RB1CC1: variants seen among roughly 807,000 people sequenced by gnomAD.
RB1CC1 encodes the protein RB1 inducible coiled-coil 1.
RB1CC1 carries 46 observed loss-of-function variants against 177.5 expected under a neutral mutation model. That is an observed-to-expected ratio of 0.26 (90% CI 0.20 to 0.33). The LOEUF (loss-of-function observed/expected upper bound fraction) is 0.33, where lower values mean the gene tolerates loss of function less well. Among genes scored for constraint, RB1CC1 ranks in the 10% least tolerant of loss-of-function variants. RB1CC1 has a pLI of 1.00. For missense variants in RB1CC1, 1,703 were observed against 1,816.3 expected (o/e 0.94, Z 1.13); for synonymous variants, 666 against 613.6 (o/e 1.09, Z -1.26).
At chr8:52,691,868 CTCT>C (rs934447453) in intron 1 of RB1CC1, among the ~76,000 whole-genome samples, 1 of 152,224 alleles carries the variant, frequency 6.6e-6, no homozygotes, top group Non-Finnish European at 1.5e-5. Context: ...GCCACAAATG[CTCT>C]TCTTTCCTCC....
chr8:52,699,818 AAAAAAAAAAAAAATATATATATATAT>A (rs1452788755), intron 1 of RB1CC1, among the ~76,000 whole-genome samples: 1 of 94,368 alleles, frequency 1.1e-5, no homozygotes, highest in African/African-American at 3.4e-5. Flanking sequence ...AAAAAAAAAA[AAAAAAAAAAAAAATATATATATATAT>A]ATATATATAT....
chr8:52,683,531 T>C lies in RB1CC1; in HGVS notation c.369+18A>G. The stretch of plus-strand genomic sequence containing the variant: ...TGCTTTTAGAAACAATCAGTTAAAA[T>C]AATTGTTTATATCTTACCAATGCAA... On this transcript the variant is annotated intron_variant, in intron 5 of 23. Transcript: ENST00000025008. 6.5e-7 allele frequency: 1 copy of C among 1,527,908 alleles called. No homozygotes were observed. The highest frequency in any genetic ancestry group is 8.8e-7 in the Non-Finnish European group (1 of 1,137,766). The allele number at this position is 1,527,908 out of a possible 1,614,324, so 94.6% of individuals were successfully genotyped here.
At chr8:52,701,133 T>G (rs1411553725) in intron 1 of RB1CC1, among the ~76,000 whole-genome samples, 1 of 152,150 alleles carries the variant, frequency 6.6e-6, no homozygotes, top group African/African-American at 2.4e-5. Flanking sequence ...GATCTTTTTT[T>G]TTTTTTGAGA....
intron 1 of RB1CC1, among the ~76,000 whole-genome samples, chr8:52,713,795 C>G (rs1002815820): frequency 6.6e-6 from 1 of 152,352 alleles, no homozygotes; most frequent in African/African-American, 2.4e-5. Flanking sequence ...CGCAGGCAGC[C>G]CCGCAGCACG....
At chr8:52,659,006 AT>A (rs763392478) in intron 12 of RB1CC1, 30 bp from the exon 13 acceptor site, 61 of 1,356,290 alleles carry the variant, frequency 4.5e-5, no homozygotes, top group Admixed American at 2.1e-4. Flanking sequence ...TACTTAAAAA[AT>A]TTTTTTTCAA....
rs1852214209 is a variant in RB1CC1, at chr8:52,667,931, T to A, written c.1173+90A>T. On this transcript the variant is annotated intron_variant, in intron 8 of 23. Transcript: ENST00000025008. ...AAAATATTCAAGGAAAAAGTGAAAA[T>A]ATGGTGCACACCAAATTGATACTGC... The A allele has an allele frequency of 6.4e-6, 8 of 1,258,206 alleles. No individual in the cohort carries two copies. The East Asian group carries it at 1.9e-4, about 30-fold the overall frequency. The allele number at this position is 1,258,206 out of a possible 1,614,324, so 77.9% of individuals were successfully genotyped here. A position where few individuals can be genotyped will look rare whatever the true frequency, so the allele number is the denominator to read the frequency against.
chr8:52,701,069 C>CTCT (rs1473077655), intron 1 of RB1CC1, among the ~76,000 whole-genome samples: 5 of 151,914 alleles, frequency 3.3e-5, no homozygotes, highest in Admixed American at 3.3e-4. Flanking sequence ...CATAACTGGT[C>CTCT]TCTTTCTCAA....
At chr8:52,661,879 A>G (rs909913764) in intron 8 of RB1CC1, among the ~76,000 whole-genome samples, 160 bp from the exon 9 acceptor site, 1 of 152,110 alleles carries the variant, frequency 6.6e-6, no homozygotes, top group African/African-American at 2.4e-5. Context: ...AGATGCATAA[A>G]TGGCACAAGA....
rs1172604874 is a variant in RB1CC1 at position 52,699,804 on chromosome 8, C to CAAAAAAAAA, written c.-166-12846_-166-12838dup. ...ACTGCACTGCAGTGAATCTCCGTCT[C>CAAAAAAAAA]AAAAAAAAAAAAAAAAAAAAAAAAA... is the stretch of plus-strand genomic sequence containing the variant. On this transcript the variant is annotated intron_variant, in intron 1 of 23. Coordinates refer to ENST00000025008, the MANE Select transcript of RB1CC1 (RefSeq NM_014781.5). Among the ~76,000 whole-genome samples, 10 of 38,546 alleles carry CAAAAAAAAA rather than the reference C, an allele frequency of 2.6e-4. 1 individual carries two copies. The highest frequency in any genetic ancestry group is 8.5e-4 in the Admixed American group (2 of 2,350). The allele number at this position is 38,546 out of a possible 152,430, so 25.3% of individuals were successfully genotyped here. A position where few individuals can be genotyped will look rare whatever the true frequency, so the allele number is the denominator to read the frequency against.
intron 5 of RB1CC1, among the ~76,000 whole-genome samples, chr8:52,680,994 G>T (rs1428665431): frequency 0.017 from 2,139 of 128,608 alleles, 56 homozygotes; most frequent in African/African-American, 0.062. Flanking sequence ...GTGTGTGTGT[G>T]TTTTTTTTTT....
intron 8 of RB1CC1, among the ~76,000 whole-genome samples, chr8:52,663,788 C>CA (rs757187587): frequency 5.3e-5 from 8 of 151,918 alleles, no homozygotes; most frequent in African/African-American, 1.9e-4. Flanking sequence ...TTCTCAAATT[C>CA]AAAAAAACAC....
intron 7 of RB1CC1, among the ~76,000 whole-genome samples, chr8:52,670,530 T>C (rs1852475374): frequency 6.6e-6 from 1 of 152,252 alleles, no homozygotes; most frequent in Non-Finnish European, 1.5e-5. Flanking sequence ...ATAGATTCCT[T>C]AAGATCACAA....
At chr8:52,686,705 T>A (rs1246516771) in intron 2 of RB1CC1, 148 bp downstream of exon 2, 1 of 237,660 alleles carries the variant, frequency 4.2e-6, no homozygotes, top group Non-Finnish European at 8.4e-6. Flanking sequence ...AAGTAGTAGG[T>A]ACCTTTACTT....
intron 1 of RB1CC1, among the ~76,000 whole-genome samples, chr8:52,708,374 G>A (rs1370023274): frequency 1.3e-5 from 2 of 152,082 alleles, no homozygotes; most frequent in Non-Finnish European, 2.9e-5. Flanking sequence ...AAAATTAGCC[G>A]GGCATGGTGG....
intron 1 of RB1CC1, among the ~76,000 whole-genome samples, chr8:52,713,356 G>A (rs1857216207): frequency 6.6e-6 from 1 of 152,302 alleles, no homozygotes; most frequent in Non-Finnish European, 1.5e-5. Flanking sequence ...ACCAGGCGGT[G>A]GAAGAAACTA....
chr8:52,691,172 G>C (rs921474586), intron 1 of RB1CC1, among the ~76,000 whole-genome samples: 1 of 152,148 alleles, frequency 6.6e-6, no homozygotes, highest in Non-Finnish European at 1.5e-5. Flanking sequence ...GGACAGTTCA[G>C]CTTTTCCTCT....
intron 15 of RB1CC1, among the ~76,000 whole-genome samples, chr8:52,655,454 CAT>C (rs1851009574): frequency 6.6e-6 from 1 of 152,016 alleles, no homozygotes; most frequent in African/African-American, 2.4e-5. Flanking sequence ...CAATAATAAA[CAT>C]GTAAAAACAC....
At chr8:52,676,088 G>A (rs578115406) in intron 6 of RB1CC1, among the ~76,000 whole-genome samples, 25 of 152,214 alleles carry the variant, frequency 1.6e-4, no homozygotes, top group African/African-American at 5.8e-4. Context: ...CATAAGCAAA[G>A]ATTCTTGGTT....
At chr8:52,688,711 C>T (rs1017845196) in intron 1 of RB1CC1, among the ~76,000 whole-genome samples, 4 of 152,082 alleles carry the variant, frequency 2.6e-5, no homozygotes, top group African/African-American at 9.7e-5. Flanking sequence ...TGATCTTGTA[C>T]CTACTCCCTG....
Sources: allele counts gnomAD v4.1 joint callset (sites outside exome capture counted in the v4.1 genomes callset), GRCh38; gene constraint gnomAD v4.1.1; transcripts MANE v1.5; gene names NCBI Gene and HGNC (gene_info 2026-07-23, HGNC 2026-07-21).